Variants in NFIX observed in about 807,000 individuals in gnomAD.
NFIX encodes the protein nuclear factor I X.
Under a neutral mutation model 53.3 loss-of-function variants are expected in NFIX, and 2 were observed. The observed-to-expected ratio is 0.04, with a 90% CI of 0.02 to 0.12. NFIX has a LOEUF of 0.12. Ranked by LOEUF, NFIX falls within the 10% of genes least tolerant of loss-of-function variation. The pLI is 1.00. For synonymous variants in NFIX, 244 were observed against 289.0 expected (o/e 0.84, Z 1.58); for missense variants, 310 against 674.5 (o/e 0.46, Z 5.99).
In NFIX at chr19:13,011,143, C is replaced by G. The variant is rs570945448; in HGVS notation, c.28-13878C>G. On this transcript the variant is annotated intron_variant, in intron 1 of 10. Transcript: ENST00000592199. The surrounding 1 kb of genome is among the most constrained non-coding windows in gnomAD (Gnocchi z 6.5). ...GGGGGAGGCGGGAGCAGCCCTCCCC[C>G]TCTCCACTGCGGACGGACATCCCAC... Among the ~76,000 whole-genome samples the G allele has an allele frequency of 1.3e-5, 2 of 152,160 alleles. No individual in the cohort carries two copies. The highest frequency in any genetic ancestry group is 3.9e-4 in the East Asian group (2 of 5,178).
chr19:13,004,488 C>G (rs2011905765), intron 1 of NFIX, among the ~76,000 whole-genome samples: 1 of 152,204 alleles, frequency 6.6e-6, no homozygotes, highest in African/African-American at 2.4e-5. Context: ...CACCCCCACA[C>G]ATATTCGCAC....
rs2014317646 is a variant in NFIX at position 13,037,849 on chromosome 19, A to G, written c.559+12297A>G. 1.3e-5 allele frequency among the ~76,000 whole-genome samples: 2 copies of G among 152,142 alleles called. No individual in the cohort carries two copies. The highest frequency in any genetic ancestry group is 2.4e-5 in the African/African-American group (1 of 41,414). On this transcript the variant is annotated intron_variant, in intron 2 of 10. Coordinates refer to ENST00000592199, the MANE Select transcript of NFIX (RefSeq NM_001365902.3). This position sits in a 1 kb window ranked among gnomAD's most constrained non-coding sequence, Gnocchi z 4.2. ...TATTGGAATCTAGTGGGAAGAGTCT[A>G]CTGCATATGACAGTCCCCCAGGAAC...
rs1157492116 is a variant in NFIX, at chr19:13,097,370, G to GA, written c.*2726dup. 6.6e-6 allele frequency: 1 copy of GA among 152,306 alleles called. No homozygotes were observed. The highest frequency in any genetic ancestry group is 1.5e-5 in the Non-Finnish European group (1 of 67,958). 9.4% of individuals were successfully genotyped at this position (152,306 alleles called of 1,614,324 possible). On this transcript the variant is annotated 3_prime_UTR_variant, in exon 11 of 11. Transcript: ENST00000592199. ...AAGATCAAAAAGGAAAAGGACGAGA[G>GA]AAAAATTATTTTTAAGATAATTAAA...
chr19:13,065,526 C>T (rs2016347127), intron 2 of NFIX, among the ~76,000 whole-genome samples: 2 of 152,166 alleles, frequency 1.3e-5, no homozygotes, highest in South Asian at 2.1e-4. Context: ...CAGGCCCACT[C>T]GCATGTCCCA....
Position 13,027,597 on chromosome 19 carries a change from A to T in NFIX, c.559+2045A>T, listed in dbSNP as rs2013469624. ...TGGCTTCCTCCAACCCCGCTCTCTG[A>T]CTGGATCCTTGTAGCTGAGTTGTTT... On this transcript the variant is annotated intron_variant, in intron 2 of 10. Coordinates refer to ENST00000592199, the MANE Select transcript of NFIX (RefSeq NM_001365902.3). The surrounding 1 kb of genome is among the most constrained non-coding windows in gnomAD (Gnocchi z 4.3). Among the ~76,000 whole-genome samples the T allele has an allele frequency of 6.6e-6, 1 of 152,116 alleles. No individual in the cohort carries two copies. The highest frequency in any genetic ancestry group is 1.5e-5 in the Non-Finnish European group (1 of 68,024).
rs1038829341 is a variant in NFIX at position 13,067,776 on chromosome 19, C to T, written c.560-5271C>T. Among the ~76,000 whole-genome samples the T allele has an allele frequency of 6.6e-6, 1 of 152,042 alleles. No individual in the cohort carries two copies. The highest frequency in any genetic ancestry group is 2.4e-5 in the African/African-American group (1 of 41,364). On this transcript the variant is annotated intron_variant, in intron 2 of 10. Transcript: ENST00000592199. The surrounding 1 kb of genome is among the most constrained non-coding windows in gnomAD (Gnocchi z 4.2). ...TCACCCTAGTGGGAGCCATAACTAC[C>T]TCCCCATCTGTAGGTGGAAAATATA...
rs1328377474 is a variant in NFIX at position 13,036,911 on chromosome 19, CATT to C, written c.559+11360_559+11362del. 1.3e-5 allele frequency among the ~76,000 whole-genome samples: 2 copies of C among 152,112 alleles called. No homozygotes were observed. The highest frequency in any genetic ancestry group is 2.4e-5 in the African/African-American group (1 of 41,402). On this transcript the variant is annotated intron_variant, in intron 2 of 10. Coordinates refer to ENST00000592199, the MANE Select transcript of NFIX (RefSeq NM_001365902.3). This position sits in a 1 kb window ranked among gnomAD's most constrained non-coding sequence, Gnocchi z 4.7. The stretch of plus-strand genomic sequence containing the variant: ...GCGGCCCCACCCGGACACATGACAT[CATT>C]GTTTCCTTAGTAACAGGAATGCTCC...
chr19:13,043,284 C>T lies in NFIX; in HGVS notation c.559+17732C>T, dbSNP rs2014761039. On this transcript the variant is annotated intron_variant, in intron 2 of 10. Coordinates refer to ENST00000592199, the MANE Select transcript of NFIX (RefSeq NM_001365902.3). The surrounding 1 kb of genome is among the most constrained non-coding windows in gnomAD (Gnocchi z 4.0). ...CCTCTGCAGCCACTTCCTGTTAGCA[C>T]TGCTAGAAGGGGAGGGACCCTTGGG... Among the ~76,000 whole-genome samples the T allele has an allele frequency of 1.3e-5, 2 of 152,230 alleles. No individual in the cohort carries two copies. The highest frequency in any genetic ancestry group is 1.3e-4 in the Admixed American group (2 of 15,280).
chr19:13,086,697 G>A (rs1367243849), intron 8 of NFIX, among the ~76,000 whole-genome samples: 2 of 152,220 alleles, frequency 1.3e-5, no homozygotes, highest in African/African-American at 4.8e-5. Context: ...ACCCCTGGGT[G>A]AGAACTGATG....
intron 2 of NFIX, among the ~76,000 whole-genome samples, chr19:13,042,860 T>A (rs778974745): frequency 6.6e-6 from 1 of 152,046 alleles, no homozygotes; most frequent in Non-Finnish European, 1.5e-5. Flanking sequence ...AGCAGTTGAA[T>A]TACTAGGCAA....
At chr19:13,057,382 A>C (rs2015769384) in intron 2 of NFIX, among the ~76,000 whole-genome samples, 1 of 152,122 alleles carries the variant, frequency 6.6e-6, no homozygotes, top group Non-Finnish European at 1.5e-5. Flanking sequence ...GAGGAGGCGG[A>C]AAGCCGACAT....
chr19:13,074,163 C>T lies in NFIX; in HGVS notation c.818+137C>T, dbSNP rs1334663740. The stretch of plus-strand genomic sequence containing the variant: ...ACCTCTCTCATTGAGGGCACTGGCT[C>T]TAACACTTTAGAGTCCACCATGCGC... On this transcript the variant is annotated intron_variant, in intron 5 of 10. Coordinates refer to ENST00000592199, the MANE Select transcript of NFIX (RefSeq NM_001365902.3). 2.6e-6 allele frequency: 3 copies of T among 1,172,198 alleles called. No individual in the cohort carries two copies. In the East Asian group the frequency reaches 7.2e-5, roughly 28 times the overall value. The allele number at this position is 1,172,198 out of a possible 1,614,324, so 72.6% of individuals were successfully genotyped here. A position where few individuals can be genotyped will look rare whatever the true frequency, so the allele number is the denominator to read the frequency against.
At chr19:13,035,980 C>T (rs1433867425) in intron 2 of NFIX, among the ~76,000 whole-genome samples, 1 of 152,182 alleles carries the variant, frequency 6.6e-6, no homozygotes, top group Non-Finnish European at 1.5e-5. Flanking sequence ...GAGTGACCAA[C>T]AGGGCATGTA....
At chr19:13,003,592 C>T (rs150134242) in intron 1 of NFIX, among the ~76,000 whole-genome samples, 8 of 152,308 alleles carry the variant, frequency 5.3e-5, no homozygotes, top group Non-Finnish European at 8.8e-5. Flanking sequence ...CACTCCCTAA[C>T]CCAGTGTCAC....
rs1271904751 is a variant in NFIX, at chr19:13,014,083, A to G, written c.28-10938A>G. The G allele has an allele frequency of 3.3e-5, 5 of 152,224 alleles. No individual in the cohort carries two copies. The highest frequency in any genetic ancestry group is 7.3e-5 in the Non-Finnish European group (5 of 68,046). The allele number at this position is 152,224 out of a possible 1,614,324, so 9.4% of individuals were successfully genotyped here. On this transcript the variant is annotated intron_variant, in intron 1 of 10. Coordinates refer to ENST00000592199, the MANE Select transcript of NFIX (RefSeq NM_001365902.3). This position sits in a 1 kb window ranked among gnomAD's most constrained non-coding sequence, Gnocchi z 4.4. The stretch of plus-strand genomic sequence containing the variant: ...AATAATGCTAAGCATTGGAATAATT[A>G]AAGAGTGAGAAATAACTCGTCTCTC...
At chr19:13,055,695 C>T (rs1004575361) in intron 2 of NFIX, among the ~76,000 whole-genome samples, 8 of 152,222 alleles carry the variant, frequency 5.3e-5, no homozygotes, top group Admixed American at 3.9e-4. Flanking sequence ...AAGAAGGGGG[C>T]GGGGGTCTCT....
intron 2 of NFIX, among the ~76,000 whole-genome samples, chr19:13,029,026 C>T (rs1003353010): frequency 3.3e-5 from 5 of 152,180 alleles, no homozygotes; most frequent in East Asian, 1.9e-4. Flanking sequence ...GCGCCTGCAG[C>T]GGAATCCCCA....
intron 7 of NFIX, among the ~76,000 whole-genome samples, chr19:13,080,351 C>T (rs2017384759): frequency 6.6e-6 from 1 of 152,122 alleles, no homozygotes; most frequent in African/African-American, 2.4e-5. Context: ...CCTTGAACTC[C>T]CAGACTCAAG....
intron 2 of NFIX, chr19:13,070,121 C>T (rs1163185576): frequency 2.0e-5 from 3 of 152,010 alleles, no homozygotes; most frequent in African/African-American, 7.3e-5. Flanking sequence ...GTCTCCTTGC[C>T]TCCCCAGGAG....
Sources: gnomAD v4.1 joint callset for allele counts (sites outside exome capture counted in the v4.1 genomes callset) on GRCh38, gnomAD v4.1.1 for gene constraint, Gnocchi (gnomAD v3.1) non-coding constraint, MANE v1.5 for transcripts, NCBI Gene and HGNC (gene_info 2026-07-23, HGNC 2026-07-21) for gene names.